The following RABGAP1L variants were observed in gnomAD, a reference collection of about 807,000 sequenced individuals.
RABGAP1L encodes the protein RAB GTPase activating protein 1 like.
RABGAP1L carries 63 observed loss-of-function variants against 137.7 expected under a neutral mutation model. The observed-to-expected ratio is 0.46, with a 90% CI of 0.37 to 0.56. The LOEUF (loss-of-function observed/expected upper bound fraction) is 0.56. Among genes scored for constraint, RABGAP1L ranks in the 20% least tolerant of loss-of-function variants. The pLI is 0.00. For synonymous variants in RABGAP1L, 431 were observed against 433.7 expected (o/e 0.99, Z 0.08); for missense variants, 1,095 against 1,244.0 (o/e 0.88, Z 1.80).
chr1:174,840,492 T>C (rs1265641405), intron 19 of RABGAP1L, among the ~76,000 whole-genome samples: 1 of 151,938 alleles, frequency 6.6e-6, no homozygotes, highest in Non-Finnish European at 1.5e-5. Flanking sequence ...AGCAGGAGCT[T>C]TCTTGGCCTT....
At chr1:174,456,569 TATC>T (rs1190576545) in intron 13 of RABGAP1L, among the ~76,000 whole-genome samples, 1 of 152,098 alleles carries the variant, frequency 6.6e-6, no homozygotes, top group African/African-American at 2.4e-5. Flanking sequence ...ATCTATAAAT[TATC>T]AGTCAGGGAA....
intron 13 of RABGAP1L, among the ~76,000 whole-genome samples, chr1:174,635,577 C>T (rs1673942514): frequency 6.6e-6 from 1 of 152,174 alleles, no homozygotes; most frequent in Non-Finnish European, 1.5e-5. Context: ...TTAGAAACTA[C>T]ATTTACCTTG....
chr1:174,770,950 A>G (rs1046130076), intron 18 of RABGAP1L, among the ~76,000 whole-genome samples: 6 of 152,388 alleles, frequency 3.9e-5, no homozygotes, highest in East Asian at 1.9e-4. Flanking sequence ...GCACACAGAC[A>G]TAAGAATTCA....
intron 11 of RABGAP1L, among the ~76,000 whole-genome samples, chr1:174,344,974 A>G (rs1301562036): frequency 6.6e-6 from 1 of 152,112 alleles, no homozygotes; most frequent in Non-Finnish European, 1.5e-5. Flanking sequence ...GTATATGGTG[A>G]GAGGTGCCTA....
chr1:174,791,297 T>G (rs377148188), intron 18 of RABGAP1L, among the ~76,000 whole-genome samples: 14 of 152,282 alleles, frequency 9.2e-5, no homozygotes, highest in African/African-American at 3.1e-4. Flanking sequence ...ACTCCTCCAT[T>G]GAAAATATTA....
At chr1:174,531,815 G>A (rs1664437437) in intron 13 of RABGAP1L, among the ~76,000 whole-genome samples, 2 of 151,706 alleles carry the variant, frequency 1.3e-5, no homozygotes, top group African/African-American at 4.8e-5. Flanking sequence ...ATAAATAAAA[G>A]ATCTTACAAA....
chr1:174,838,355 C>G (rs1558132682), intron 19 of RABGAP1L, among the ~76,000 whole-genome samples: 1 of 152,128 alleles, frequency 6.6e-6, no homozygotes, highest in South Asian at 2.1e-4. Flanking sequence ...CCTGTAGCCT[C>G]TTGCTAAGGA....
intron 18 of RABGAP1L, chr1:174,800,344 G>T: frequency 6.5e-7 from 1 of 1,550,240 alleles, no homozygotes; most frequent in Non-Finnish European, 8.7e-7. Flanking sequence ...TGGAAGAAGG[G>T]GTGCCCTGCC....
intron 6 of RABGAP1L, among the ~76,000 whole-genome samples, 185 bp downstream of exon 6, chr1:174,250,817 A>T (rs1672653276): frequency 6.6e-6 from 1 of 150,958 alleles, no homozygotes; most frequent in African/African-American, 2.4e-5. Flanking sequence ...TTTGAGATGG[A>T]GTTTCGCTCT....
chr1:174,550,999 C>CATATACATATAT (rs1666476787), intron 13 of RABGAP1L, among the ~76,000 whole-genome samples: 1 of 86,372 alleles, frequency 1.2e-5, no homozygotes, highest in African/African-American at 8.3e-5. Context: ...TATATATACA[C>CATATACATATAT]ATATATATAT....
At chr1:174,194,410 A>G (rs1667424935) in intron 1 of RABGAP1L, among the ~76,000 whole-genome samples, 1 of 151,740 alleles carries the variant, frequency 6.6e-6, no homozygotes, top group Admixed American at 6.6e-5. Context: ...AATTTTTTGT[A>G]TCTTTAGTAG....
At chr1:174,689,200 T>C (rs957994880) in intron 15 of RABGAP1L, among the ~76,000 whole-genome samples, 3 of 151,986 alleles carry the variant, frequency 2.0e-5, no homozygotes, top group African/African-American at 7.2e-5. Flanking sequence ...TTTTAAAATA[T>C]TTCTCACCAA....
At chr1:174,505,985 T>C (rs1359692288) in intron 13 of RABGAP1L, among the ~76,000 whole-genome samples, 18 of 152,218 alleles carry the variant, frequency 1.2e-4, no homozygotes, top group Admixed American at 1.2e-3. Context: ...AATTCTGTCA[T>C]ATACATAAAC....
chr1:174,449,229 G>A (rs1655153661), intron 13 of RABGAP1L: 2 of 1,516,750 alleles, frequency 1.3e-6, no homozygotes, highest in African/African-American at 1.4e-5. Flanking sequence ...AATGTAATCT[G>A]ACAGTGGTTT....
intron 19 of RABGAP1L, among the ~76,000 whole-genome samples, chr1:174,857,673 T>C (rs889828268): frequency 3.3e-5 from 5 of 152,144 alleles, no homozygotes; most frequent in African/African-American, 1.2e-4. Flanking sequence ...TTCAATAATA[T>C]CTACACCAAC....
At chr1:174,474,559 A>G (rs922105758) in intron 13 of RABGAP1L, among the ~76,000 whole-genome samples, 1 of 152,284 alleles carries the variant, frequency 6.6e-6, no homozygotes, top group Non-Finnish European at 1.5e-5. Flanking sequence ...CCTGTTGACC[A>G]TGGTCATAAT....
chr1:174,586,305 C>G (rs1424421376), intron 13 of RABGAP1L, among the ~76,000 whole-genome samples: 2 of 139,194 alleles, frequency 1.4e-5, no homozygotes, highest in Non-Finnish European at 3.3e-5. Context: ...GAACAGAAAA[C>G]CAAACACCTC....
At chr1:174,656,626 G>C (rs1028343408) in intron 14 of RABGAP1L, among the ~76,000 whole-genome samples, 1 of 152,108 alleles carries the variant, frequency 6.6e-6, no homozygotes, top group African/African-American at 2.4e-5. Flanking sequence ...CTCAGCCCTT[G>C]GCAATCATTA....
At chr1:174,784,106 G>A (rs1687268160) in intron 18 of RABGAP1L, among the ~76,000 whole-genome samples, 2 of 123,328 alleles carry the variant, frequency 1.6e-5, no homozygotes, top group African/African-American at 6.2e-5. Flanking sequence ...TACAAGCTCC[G>A]CCTCCCGGGT....
Sources: allele counts gnomAD v4.1 joint callset (sites outside exome capture counted in the v4.1 genomes callset), GRCh38; gene constraint gnomAD v4.1.1; transcripts MANE v1.5; gene names NCBI Gene and HGNC (gene_info 2026-07-23, HGNC 2026-07-21).